POLR1A: variants seen among roughly 807,000 people sequenced by gnomAD.
POLR1A encodes RNA polymerase I subunit A.
A neutral mutation model predicts 205.3 loss-of-function variants in POLR1A; 84 were observed. The observed-to-expected ratio is 0.41, with a 90% CI of 0.34 to 0.49. The LOEUF (loss-of-function observed/expected upper bound fraction) is 0.49, where lower values mean the gene tolerates loss of function less well. Among genes scored for constraint, POLR1A ranks in the 20% least tolerant of loss-of-function variants. The pLI is 0.22. For synonymous variants in POLR1A, 799 were observed against 863.7 expected (o/e 0.93, Z 1.31); for missense variants, 1,645 against 2,204.5 (o/e 0.75, Z 5.08).
chr2:86,066,888 A>G (rs1673091480), intron 13 of POLR1A, among the ~76,000 whole-genome samples: 1 of 152,066 alleles, frequency 6.6e-6, no homozygotes, highest in Non-Finnish European at 1.5e-5. Context: ...AAAAAATTAT[A>G]CTCTACCTCT....
chr2:86,054,781 C>T (rs150240421), intron 14 of POLR1A, among the ~76,000 whole-genome samples: 22 of 152,308 alleles, frequency 1.4e-4, no homozygotes, highest in Middle Eastern at 3.4e-3. Context: ...CCAAGAGAAG[C>T]GCTTTCTCAA....
At chr2:86,086,913 T>C (rs769119267) in intron 6 of POLR1A, among the ~76,000 whole-genome samples, 6 of 152,240 alleles carry the variant, frequency 3.9e-5, no homozygotes, top group Non-Finnish European at 8.8e-5. Flanking sequence ...GAGGGCAATT[T>C]AATGGTTAAG....
intron 23 of POLR1A, among the ~76,000 whole-genome samples, chr2:86,042,596 A>C (rs1236569227): frequency 6.6e-6 from 1 of 152,198 alleles, no homozygotes; most frequent in Non-Finnish European, 1.5e-5. Flanking sequence ...CCAGCAGCAG[A>C]GGGAAAGGCA....
chr2:86,058,174 C>G (rs1672931255), intron 14 of POLR1A, among the ~76,000 whole-genome samples: 1 of 152,200 alleles, frequency 6.6e-6, no homozygotes, highest in Non-Finnish European at 1.5e-5. Flanking sequence ...GATCTTGGCT[C>G]ACTGCAAGCT....
Position 86,040,488 on chromosome 2 carries a change from G to A in POLR1A, c.3644C>T (p.Ala1215Val). Residue 1215 changes from alanine to valine, a missense_variant, in exon 25 of 34, where the codon GCT (alanine) becomes GTT (valine). This residue lies in a region of POLR1A where 13 missense variants were observed against 55.1 expected (regional missense o/e 0.24). Coordinates refer to ENST00000263857, the MANE Select transcript of POLR1A (RefSeq NM_015425.6). ...CEPGEAVGLL[A>V]AQSIGEPSTQ... is the part of the protein sequence containing the mutation. ...GGAGGGCTCTCCGATGCTCTGGGCA[G>A]CCAGCAGGCCCACAGCCTCGCCCGG... 1 of 1,613,284 alleles carries A rather than the reference G, an allele frequency of 6.2e-7. No individual in the cohort carries two copies. The highest frequency in any genetic ancestry group is 8.5e-7 in the Non-Finnish European group (1 of 1,179,642).
Position 86,027,342 on chromosome 2 carries a change from G to A in POLR1A, c.*81C>T, listed in dbSNP as rs765620314. 2.0e-5 allele frequency: 22 copies of A among 1,104,822 alleles called. No homozygotes were observed. The highest frequency in any genetic ancestry group is 2.9e-5 in the Non-Finnish European group (21 of 716,828). 68.4% of individuals were successfully genotyped at this position (1,104,822 alleles called of 1,614,324 possible). A position where few individuals can be genotyped will look rare whatever the true frequency, so the allele number is the denominator to read the frequency against. ...GAACTGCCCTGGATTCCAGTCTCCT[G>A]GTCCTCTCATGCAGAAGGCAGGCTG... On this transcript the variant is annotated 3_prime_UTR_variant, in exon 34 of 34. Transcript: ENST00000263857.
At chr2:86,057,437 T>G (rs1204152979) in intron 14 of POLR1A, among the ~76,000 whole-genome samples, 1 of 152,238 alleles carries the variant, frequency 6.6e-6, no homozygotes, top group Admixed American at 6.5e-5. Flanking sequence ...AATTACTATA[T>G]GATGCAGCAA....
At chr2:86,097,443 C>T (rs1014972059) in intron 3 of POLR1A, among the ~76,000 whole-genome samples, 12 of 152,140 alleles carry the variant, frequency 7.9e-5, no homozygotes, top group African/African-American at 2.9e-4. Flanking sequence ...CCTGCACCCC[C>T]ATGGTTATTG....
chr2:86,025,223 C>T lies in POLR1A; in HGVS notation c.*2200G>A, dbSNP rs1299584706. On this transcript the variant is annotated 3_prime_UTR_variant, in exon 34 of 34. Transcript: ENST00000263857. ...ATTACATTTTGATTAAAAATGACAA[C>T]GCAGATTAGTCCATGTTCTTGAATC... The T allele has an allele frequency of 1.3e-5, 2 of 152,180 alleles. No homozygotes were observed. The highest frequency in any genetic ancestry group is 2.9e-5 in the Non-Finnish European group (2 of 68,038). 9.4% of individuals were successfully genotyped at this position (152,180 alleles called of 1,614,324 possible).
At chr2:86,067,457 A>T (rs1673101735) in intron 13 of POLR1A, among the ~76,000 whole-genome samples, 1 of 152,204 alleles carries the variant, frequency 6.6e-6, no homozygotes, top group Admixed American at 6.5e-5. Flanking sequence ...ATTAGTCCAA[A>T]AAGTAACACA....
chr2:86,069,406 C>G (rs1673136452), intron 13 of POLR1A, among the ~76,000 whole-genome samples: 1 of 152,204 alleles, frequency 6.6e-6, no homozygotes, highest in African/African-American at 2.4e-5. Flanking sequence ...AACTCAGGCC[C>G]CTGCCACTCC....
At chr2:86,086,225 A>ATT (rs879587687) in intron 6 of POLR1A, among the ~76,000 whole-genome samples, 2 of 145,916 alleles carry the variant, frequency 1.4e-5, no homozygotes, top group African/African-American at 2.5e-5. Context: ...CACCCGGCTA[A>ATT]TTTTTTTTTT....
chr2:86,099,937 C>A, intron 2 of POLR1A, 31 bp downstream of exon 2: 1 of 1,586,698 alleles, frequency 6.3e-7, no homozygotes. Flanking sequence ...ACCAGCAGCC[C>A]GGAGACCCAC....
chr2:86,078,037 T>C (rs1316468193), intron 10 of POLR1A, 56 bp from the exon 11 acceptor site: 4 of 1,612,848 alleles, frequency 2.5e-6, no homozygotes, highest in Non-Finnish European at 3.4e-6. Context: ...AGTAGGCTTA[T>C]TAGTTTCTTG....
Position 86,022,539 on chromosome 2 carries a change from T to A in POLR1A, c.*4884A>T, listed in dbSNP as rs1342508984. 1 of 152,206 alleles carries A rather than the reference T, an allele frequency of 6.6e-6. No individual in the cohort carries two copies. The highest frequency in any genetic ancestry group is 1.9e-4 in the East Asian group (1 of 5,202). The allele number at this position is 152,206 out of a possible 1,614,324, so 9.4% of individuals were successfully genotyped here. A position where few individuals can be genotyped will look rare whatever the true frequency, so the allele number is the denominator to read the frequency against. ...TTAGACTCTCTTGAAGATTTTCTAA[T>A]GCCTAGGCCACACTCCAGGCCAATA... is the stretch of plus-strand genomic sequence containing the variant. On this transcript the variant is annotated 3_prime_UTR_variant, in exon 34 of 34. Coordinates refer to ENST00000263857, the MANE Select transcript of POLR1A (RefSeq NM_015425.6).
At chr2:86,068,434 G>T (rs1208366770) in intron 13 of POLR1A, among the ~76,000 whole-genome samples, 1 of 136,970 alleles carries the variant, frequency 7.3e-6, no homozygotes, top group Non-Finnish European at 1.5e-5. Flanking sequence ...TCAAGTCTTG[G>T]CCTCATTGCT....
At position 86,095,586 on chromosome 2, in the gene POLR1A, A is replaced by C. The variant is rs77657771; in HGVS notation, c.432+3025T>G. On this transcript the variant is annotated intron_variant, in intron 3 of 33. Transcript: ENST00000263857. ...CTAATGTAAATATTAACTATGAAAAAGTATCTCTTTACAATAGAGATCTGG... is the reference window on the plus strand; with the variant it reads ...CTAATGTAAATATTAACTATGAAAACGTATCTCTTTACAATAGAGATCTGG... 8.0e-4 allele frequency among the ~76,000 whole-genome samples: 122 copies of C among 152,330 alleles called. 3 individuals carry two copies. In the East Asian group the frequency reaches 0.02, roughly 25 times the overall value.
intron 9 of POLR1A, among the ~76,000 whole-genome samples, chr2:86,080,029 G>T (rs1189302599): frequency 6.6e-6 from 1 of 152,154 alleles, no homozygotes; most frequent in Non-Finnish European, 1.5e-5. Context: ...CAAAACCACA[G>T]AAAGCCCCAA....
chr2:86,085,635 C>A (rs1322742303), intron 6 of POLR1A, among the ~76,000 whole-genome samples: 1 of 152,188 alleles, frequency 6.6e-6, no homozygotes, highest in Non-Finnish European at 1.5e-5. Flanking sequence ...AATGCCCCCA[C>A]TGCAGTTTAG....
Sources: allele counts gnomAD v4.1 joint callset (sites outside exome capture counted in the v4.1 genomes callset), GRCh38; gene constraint gnomAD v4.1.1; regional missense constraint gnomAD v4.1.1; transcripts MANE v1.5; gene names NCBI Gene and HGNC (gene_info 2026-07-23, HGNC 2026-07-21).